Variants in KCNK13 observed in about 807,000 individuals in gnomAD.
KCNK13 encodes the protein potassium two pore domain channel subfamily K member 13, also known as potassium channel subfamily K member 13.
A neutral mutation model predicts 23.4 loss-of-function variants in KCNK13; 12 were observed. That is an observed-to-expected ratio of 0.51 (90% CI 0.33 to 0.83). The LOEUF (loss-of-function observed/expected upper bound fraction) is 0.83. KCNK13 is among the 40% of genes least tolerant of loss of function. The pLI, the probability that KCNK13 is intolerant of heterozygous loss-of-function variation, is 0.02. For missense variants in KCNK13, 463 were observed against 556.3 expected (o/e 0.83, Z 1.69); for synonymous variants, 231 against 229.5 (o/e 1.01, Z -0.06).
chr14:90,170,477 G>A (rs946632851), intron 1 of KCNK13, among the ~76,000 whole-genome samples: 5 of 152,148 alleles, frequency 3.3e-5, no homozygotes, highest in African/African-American at 7.2e-5. Context: ...GCCTCCCGAC[G>A]TGCTGGGATT....
chr14:90,137,924 G>A (rs570791354), intron 1 of KCNK13, among the ~76,000 whole-genome samples: 5 of 152,302 alleles, frequency 3.3e-5, no homozygotes, highest in Admixed American at 6.5e-5. Flanking sequence ...TTAGCGTGAA[G>A]ACAGGATCGG....
At chr14:90,125,090 T>A (rs984181683) in intron 1 of KCNK13, among the ~76,000 whole-genome samples, 3 of 152,166 alleles carry the variant, frequency 2.0e-5, no homozygotes, top group Non-Finnish European at 4.4e-5. Flanking sequence ...AGGGACGTTT[T>A]TGTAATAAAA....
chr14:90,078,718 A>G (rs1427264512), intron 1 of KCNK13, among the ~76,000 whole-genome samples: 1 of 152,102 alleles, frequency 6.6e-6, no homozygotes, highest in Non-Finnish European at 1.5e-5. Context: ...ATGGGTGAAG[A>G]CCGAGCTCCC....
chr14:90,100,537 G>A (rs1485505107), intron 1 of KCNK13, among the ~76,000 whole-genome samples: 1 of 152,212 alleles, frequency 6.6e-6, no homozygotes, highest in East Asian at 1.9e-4. Context: ...CGCAAAGTGT[G>A]AAGCAGTGGA....
chr14:90,071,393 TC>T (rs1889072630), intron 1 of KCNK13, among the ~76,000 whole-genome samples: 1 of 152,180 alleles, frequency 6.6e-6, no homozygotes, highest in East Asian at 1.9e-4. Flanking sequence ...TCCCAGTCTC[TC>T]ATATCTCAAA....
At chr14:90,125,371 CCG>C (rs551203477) in intron 1 of KCNK13, among the ~76,000 whole-genome samples, 2 of 151,780 alleles carry the variant, frequency 1.3e-5, no homozygotes, top group South Asian at 4.2e-4. Context: ...CTACAGGCGC[CCG>C]CCACCACACC....
chr14:90,133,141 T>A (rs971008714), intron 1 of KCNK13, among the ~76,000 whole-genome samples: 1 of 152,246 alleles, frequency 6.6e-6, no homozygotes. Context: ...ATGGGCCAGA[T>A]GTTTGACAAG....
chr14:90,135,187 A>G (rs1889921059), intron 1 of KCNK13, among the ~76,000 whole-genome samples: 1 of 152,236 alleles, frequency 6.6e-6, no homozygotes, highest in African/African-American at 2.4e-5. Context: ...ATTGGGACTC[A>G]TTCGAAAAGA....
chr14:90,139,390 T>C (rs74082634), intron 1 of KCNK13, among the ~76,000 whole-genome samples: 24,569 of 151,726 alleles, frequency 0.16, 2,278 homozygotes, highest in South Asian at 0.29. Flanking sequence ...GGCCCTGTGG[T>C]GGGCCAGCAT....
Position 90,076,447 on chromosome 14 carries a change from G to A in KCNK13, c.334+13908G>A, listed in dbSNP as rs375794987. On this transcript the variant is annotated intron_variant, in intron 1 of 1. Transcript: ENST00000282146. The stretch of plus-strand genomic sequence containing the variant: ...AGGGAAGGAAAGAGGTAAAAGGTGT[G>A]TGCCAGCTGAAAAGAACTTTCTGGG... Among the ~76,000 whole-genome samples, 9 of 152,328 alleles carry A rather than the reference G, an allele frequency of 5.9e-5. No individual in the cohort carries two copies. The East Asian group carries it at 9.7e-4, about 16-fold the overall frequency.
chr14:90,116,395 G>A (rs1889677332), intron 1 of KCNK13, among the ~76,000 whole-genome samples: 1 of 152,156 alleles, frequency 6.6e-6, no homozygotes, highest in Admixed American at 6.5e-5. Flanking sequence ...ATTTTCTATT[G>A]CACAGTTTAG....
At chr14:90,097,878 G>T (rs1277065840) in intron 1 of KCNK13, among the ~76,000 whole-genome samples, 1 of 152,196 alleles carries the variant, frequency 6.6e-6, no homozygotes, top group Non-Finnish European at 1.5e-5. Context: ...TTAGCCATTA[G>T]TAATGAGTAT....
intron 1 of KCNK13, among the ~76,000 whole-genome samples, chr14:90,070,724 A>G (rs1266579150): frequency 6.6e-6 from 1 of 152,222 alleles, no homozygotes; most frequent in Non-Finnish European, 1.5e-5. Context: ...GTTTCCAGTT[A>G]TAGCAGTGGC....
chr14:90,081,757 C>T (rs1313195027), intron 1 of KCNK13, among the ~76,000 whole-genome samples: 1 of 152,144 alleles, frequency 6.6e-6, no homozygotes, highest in African/African-American at 2.4e-5. Flanking sequence ...TATGGTTTGT[C>T]CCCACGATAA....
rs998476781 is a variant in KCNK13, at chr14:90,172,975, C to G, written c.335-11136C>G. On this transcript the variant is annotated intron_variant, in intron 1 of 1. Transcript: ENST00000282146. ...GTAAATTCACCCAGCAAACCTGCCC[C>G]CTTCCAAGCCTCACTCAAGGCCTAG... Among the ~76,000 whole-genome samples, 4 of 152,200 alleles carry G rather than the reference C, an allele frequency of 2.6e-5. No individual in the cohort carries two copies. In the East Asian group the frequency reaches 5.8e-4, roughly 22 times the overall value.
At chr14:90,183,984 G>C (rs1371869616) in intron 1 of KCNK13, 127 bp from the exon 2 acceptor site, 8 of 833,448 alleles carry the variant, frequency 9.6e-6, no homozygotes, top group South Asian at 5.3e-5. Flanking sequence ...CTCATTCCTA[G>C]AAAGACTAAG....
chr14:90,154,248 C>T lies in KCNK13; in HGVS notation c.335-29863C>T, dbSNP rs546858654. Among the ~76,000 whole-genome samples, 17 of 151,976 alleles carry T rather than the reference C, an allele frequency of 1.1e-4. 1 individual carries two copies. In the South Asian group the frequency reaches 3.5e-3, roughly 32 times the overall value. ...TGCTGTGCTCTCCTACCCATAATGC[C>T]TGCTCTTCTACCCACAATGCCTGCT... On this transcript the variant is annotated intron_variant, in intron 1 of 1. Coordinates refer to ENST00000282146, the MANE Select transcript of KCNK13 (RefSeq NM_022054.4).
In KCNK13 at chr14:90,094,651, T is replaced by C. The variant is rs113102864; in HGVS notation, c.334+32112T>C. On this transcript the variant is annotated intron_variant, in intron 1 of 1. Coordinates refer to ENST00000282146, the MANE Select transcript of KCNK13 (RefSeq NM_022054.4). ...AGGGACTTTTCTTTTTTTTCTTTTT[T>C]TTTTTTTTTTTTTTTTGAGATGGAG... Among the ~76,000 whole-genome samples, 782 of 141,868 alleles carry C rather than the reference T, an allele frequency of 5.5e-3. 12 individuals are homozygous for C. Among genetic ancestry groups the C allele is most frequent in the African/African-American group, 0.019 (731 of 38,000 alleles). 93.1% of individuals were successfully genotyped at this position (141,868 alleles called of 152,430 possible). A position where few individuals can be genotyped will look rare whatever the true frequency, so the allele number is the denominator to read the frequency against.
intron 1 of KCNK13, among the ~76,000 whole-genome samples, chr14:90,167,305 C>T (rs1406118536): frequency 2.0e-5 from 3 of 152,162 alleles, no homozygotes; most frequent in Non-Finnish European, 2.9e-5. Flanking sequence ...AAGAACTTCC[C>T]AAAGACGATC....
Sources: allele counts gnomAD v4.1 joint callset (sites outside exome capture counted in the v4.1 genomes callset), GRCh38; gene constraint gnomAD v4.1.1; transcripts MANE v1.5; gene names NCBI Gene and HGNC (gene_info 2026-07-23, HGNC 2026-07-21).